NLRP9: variants seen among roughly 807,000 people sequenced by gnomAD.
NLRP9 encodes NACHT, LRR and PYD domains-containing protein 9.
A neutral mutation model predicts 83.1 loss-of-function variants in NLRP9; 88 were observed. That is an observed-to-expected ratio of 1.06 (90% CI 0.89 to 1.26). The LOEUF (loss-of-function observed/expected upper bound fraction) is 1.26, where lower values mean the gene tolerates loss of function less well. Among genes scored for constraint, NLRP9 ranks in the 50% most tolerant of loss-of-function variants. The probability of loss-of-function intolerance (pLI) is 0.00; values close to 1 mark genes in which losing one functional copy is unlikely to be tolerated. For synonymous variants in NLRP9, 521 were observed against 447.6 expected, an observed-to-expected ratio of 1.16 and a Z score of -2.07; for missense variants, 1,308 against 1,179.3, an observed-to-expected ratio of 1.11 and a Z score of -1.60.
At position 55,738,320 on chromosome 19, in the gene NLRP9, T is replaced by G. The variant is rs770423005; in HGVS notation, c.55A>C (p.Arg19=). ...FGLLWYLKEL[R]KEEFWKFKEL... is the part of the protein sequence containing the mutation. ...TTAAATTTCCAAAACTCTTCCTTTC[T>G]GAGCTCCTTCAGATACCACAACAAG... is the stretch of plus-strand genomic sequence containing the variant. The change falls in exon 1 of 9, where the codon AGA becomes CGA. Residue 19 remains arginine, a synonymous_variant. Transcript: ENST00000332836. The G allele has an allele frequency of 6.2e-7, 1 of 1,614,074 alleles. No homozygotes were observed. The highest frequency in any genetic ancestry group is 2.2e-5 in the East Asian group (1 of 44,888).
chr19:55,720,060 C>T (rs905000411), intron 4 of NLRP9, among the ~76,000 whole-genome samples: 1 of 152,126 alleles, frequency 6.6e-6, no homozygotes, highest in African/African-American at 2.4e-5. Flanking sequence ...GGAAAAAAAT[C>T]TACAAAAATA....
intron 4 of NLRP9, among the ~76,000 whole-genome samples, chr19:55,717,366 G>C (rs1988062586): frequency 6.6e-6 from 1 of 152,168 alleles, no homozygotes; most frequent in South Asian, 2.1e-4. Flanking sequence ...CAAACGTAAT[G>C]ACATGACTCC....
intron 2 of NLRP9, among the ~76,000 whole-genome samples, chr19:55,730,792 A>G (rs1237577019): frequency 6.6e-6 from 1 of 152,104 alleles, no homozygotes; most frequent in African/African-American, 2.4e-5. Flanking sequence ...AGCATCAGGA[A>G]GAATAGCTAG....
chr19:55,734,673 C>A (rs1334002845), intron 1 of NLRP9, among the ~76,000 whole-genome samples: 1 of 149,738 alleles, frequency 6.7e-6, no homozygotes, highest in Non-Finnish European at 1.5e-5. Flanking sequence ...TCGCTCTTGT[C>A]CCCCAGGCTG....
At chr19:55,712,361 G>T in intron 7 of NLRP9, 59 bp downstream of exon 7, 1 of 1,430,428 alleles carries the variant, frequency 7.0e-7, no homozygotes. Flanking sequence ...TGACCCTCCA[G>T]CAATTCCTAT....
At chr19:55,714,794 G>A (rs73615246) in intron 6 of NLRP9, among the ~76,000 whole-genome samples, 6,875 of 152,094 alleles carry the variant, frequency 0.045, 237 homozygotes, top group East Asian at 0.16. Context: ...ATTTTCTCAC[G>A]GCGTCCACAG....
In NLRP9 at chr19:55,724,077, T is replaced by A; in HGVS notation, c.2062A>T (p.Lys688Ter). 1 of 1,613,700 alleles carries A rather than the reference T, an allele frequency of 6.2e-7. No individual in the cohort carries two copies. Among genetic ancestry groups the A allele is most frequent in the Admixed American group, 1.7e-5 (1 of 60,012 alleles). ...CTAGTGCCGTACAGGCTCAGAAGTT[T>A]CAGATGAGGGTTGTGAAGAACTGCC... ...FKAVLHNPHL[K>*]LLSLYGTSLS... is the part of the protein sequence containing the mutation. Residue 688 changes from lysine (K) to a stop codon, truncating the protein, a stop_gained, in exon 4 of 9, where the codon AAA becomes TAA. Coordinates refer to ENST00000332836, the MANE Select transcript of NLRP9 (RefSeq NM_176820.4). LOFTEE classifies it high-confidence loss of function.
chr19:55,712,535 T>A lies in NLRP9; in HGVS notation c.2557A>T (p.Ile853Phe). 6.2e-7 allele frequency: 1 copy of A among 1,612,470 alleles called. No homozygotes were observed. Among genetic ancestry groups the A allele is most frequent in the Non-Finnish European group, 8.5e-7 (1 of 1,179,840 alleles). ...DSCKDIAAVL[I>F]CNGKLKTLKL... ...AGGGTCTTCAGTTTCCCATTGCAAA[T>A]AAGAACAGCAGCAATGTCCTTACAG... Residue 853 changes from isoleucine (I) to phenylalanine (F), a missense_variant, in exon 7 of 9, where the codon ATT (isoleucine) becomes TTT (phenylalanine). Transcript: ENST00000332836.
chr19:55,719,783 A>T (rs779090994), intron 4 of NLRP9, among the ~76,000 whole-genome samples: 1 of 152,218 alleles, frequency 6.6e-6, no homozygotes, highest in African/African-American at 2.4e-5. Context: ...GCAAATGTTC[A>T]TCCACAAATG....
chr19:55,734,214 C>T (rs923958335), intron 1 of NLRP9, among the ~76,000 whole-genome samples: 16 of 151,532 alleles, frequency 1.1e-4, no homozygotes, highest in African/African-American at 3.2e-4. Flanking sequence ...TGAGCCACCG[C>T]GCCCGGCTGT....
At chr19:55,733,590 C>T (rs778408379) in intron 1 of NLRP9, 40 bp from the exon 2 acceptor site, 1 of 1,157,960 alleles carries the variant, frequency 8.6e-7, no homozygotes. Context: ...GGTAAAAATG[C>T]ACTCATTCTT....
intron 3 of NLRP9, among the ~76,000 whole-genome samples, chr19:55,726,764 T>C (rs1290085488): frequency 6.6e-6 from 1 of 152,192 alleles, no homozygotes; most frequent in African/African-American, 2.4e-5. Context: ...GGGGAGGCAT[T>C]AGAATCGATG....
At chr19:55,714,998 G>A in intron 6 of NLRP9, 57 bp downstream of exon 6, 1 of 1,488,654 alleles carries the variant, frequency 6.7e-7, no homozygotes. Flanking sequence ...CTTTCCTAGA[G>A]CCACAGTATC....
At chr19:55,712,186 G>A (rs781749770) in intron 7 of NLRP9, among the ~76,000 whole-genome samples, 4 of 152,096 alleles carry the variant, frequency 2.6e-5, no homozygotes, top group African/African-American at 4.8e-5. Flanking sequence ...AGTGTCCAGG[G>A]GCGCTGCTAA....
In NLRP9 at chr19:55,732,438, C is replaced by A. The variant is rs146896528; in HGVS notation, c.1393G>T (p.Asp465Tyr). The A allele has an allele frequency of 1.2e-6, 2 of 1,614,194 alleles. No homozygotes were observed. Among genetic ancestry groups the A allele is most frequent in the Admixed American group, 1.7e-5 (1 of 60,022 alleles). Reference protein sequence around the residue: ...MFYLLKRPKDDPNPAIGSITQ... With the variant: ...MFYLLKRPKDYPNPAIGSITQ... Reference sequence around the variant, plus strand: ...ATGCTTCCAATGGCCGGGTTAGGATCGTCTTTGGGTCGTTTGAGCAAATAA... The same window carrying A: ...ATGCTTCCAATGGCCGGGTTAGGATAGTCTTTGGGTCGTTTGAGCAAATAA... Residue 465 changes from aspartate (D) to tyrosine (Y), a missense_variant, in exon 2 of 9, where the codon GAT (aspartate) becomes TAT (tyrosine). Coordinates refer to ENST00000332836, the MANE Select transcript of NLRP9 (RefSeq NM_176820.4).
chr19:55,728,170 T>C (rs1249349360), intron 3 of NLRP9, among the ~76,000 whole-genome samples: 1 of 152,150 alleles, frequency 6.6e-6, no homozygotes, highest in Non-Finnish European at 1.5e-5. Flanking sequence ...AATTCAAAAC[T>C]CACTGAAGGA....
intron 6 of NLRP9, among the ~76,000 whole-genome samples, chr19:55,713,367 GAT>G (rs986317770): frequency 6.6e-6 from 1 of 151,734 alleles, no homozygotes; most frequent in Non-Finnish European, 1.5e-5. Flanking sequence ...ATAAATGACA[GAT>G]GACATATAGA....
In NLRP9 at chr19:55,719,091, C is replaced by T. The variant is rs564790005; in HGVS notation, c.2160-2193G>A. 3.2e-4 allele frequency among the ~76,000 whole-genome samples: 49 copies of T among 152,320 alleles called. No homozygotes were observed. The South Asian group carries it at 9.3e-3, about 29-fold the overall frequency. On this transcript the variant is annotated intron_variant, in intron 4 of 8. Coordinates refer to ENST00000332836, the MANE Select transcript of NLRP9 (RefSeq NM_176820.4). Reference sequence around the variant, plus strand: ...CTTGACTTCAGATGCCAGTTGCAAGCGCTGGGTTGCTCTGCCTGTGTTTGA... The same window carrying T: ...CTTGACTTCAGATGCCAGTTGCAAGTGCTGGGTTGCTCTGCCTGTGTTTGA...
intron 1 of NLRP9, among the ~76,000 whole-genome samples, chr19:55,735,423 A>C (rs8106988): frequency 2.0e-5 from 3 of 151,912 alleles, no homozygotes; most frequent in Admixed American, 1.3e-4. Flanking sequence ...CTCCATCTCT[A>C]TTAAAAAATT....
Sources: gnomAD v4.1 joint callset for allele counts (sites outside exome capture counted in the v4.1 genomes callset) on GRCh38, gnomAD v4.1.1 for gene constraint, MANE v1.5 for transcripts, NCBI Gene and HGNC (gene_info 2026-07-23, HGNC 2026-07-21) for gene names.